The following GRIN2A variants were observed in gnomAD, a reference collection of about 807,000 sequenced individuals.
The protein encoded by GRIN2A is glutamate receptor ionotropic, NMDA 2A.
GRIN2A carries 22 observed loss-of-function variants against 113.4 expected under a neutral mutation model. The ratio of observed to expected loss-of-function variants is 0.19; its 90% CI spans 0.14 to 0.28. The LOEUF (loss-of-function observed/expected upper bound fraction) is 0.28, where lower values mean the gene tolerates loss of function less well. GRIN2A is among the 10% of genes least tolerant of loss of function. The probability of loss-of-function intolerance (pLI) is 1.00; values close to 1 mark genes in which losing one functional copy is unlikely to be tolerated. For synonymous variants in GRIN2A, 827 were observed against 738.4 expected (o/e 1.12, Z -1.94); for missense variants, 1,502 against 1,887.0 (o/e 0.80, Z 3.78).
intron 2 of GRIN2A, among the ~76,000 whole-genome samples, chr16:10,008,476 T>C (rs1379007707): frequency 1.3e-5 from 2 of 151,352 alleles, no homozygotes; most frequent in Admixed American, 6.6e-5. Context: ...GTGGGTGGAG[T>C]TGTTTCCAAC....
rs1488512845 is a variant in GRIN2A, at chr16:9,764,830, G to T, written c.2714C>A (p.Ser905Tyr). ...LKLLRSAKNI[S>Y]SMSNMNSSRM... ...TGAGGAGTTCATGTTGGACATGCTG[G>T]AAATGTTTTTGGCTGACCGGAGGAG... The change falls in exon 13 of 13, where the codon TCC becomes TAC. Residue 905 changes from serine (S) to tyrosine (Y), a missense_variant. Coordinates refer to ENST00000330684, the MANE Select transcript of GRIN2A (RefSeq NM_001134407.3). 3.7e-6 allele frequency: 6 copies of T among 1,614,186 alleles called. No homozygotes were observed. The highest frequency in any genetic ancestry group is 5.1e-6 in the Non-Finnish European group (6 of 1,180,032).
chr16:9,798,264 C>G lies in GRIN2A; in HGVS notation c.2356+13G>C, dbSNP rs1006336368. On this transcript the variant is annotated intron_variant, in intron 11 of 12. Coordinates refer to ENST00000330684, the MANE Select transcript of GRIN2A (RefSeq NM_001134407.3). ...CAAGTCCCCCTAAAGAAAGGGGTCA[C>G]CCGGGGTCTTACCATCACCCACAAA... 8 of 1,610,438 alleles carry G rather than the reference C, an allele frequency of 5.0e-6. No homozygotes were observed. The highest frequency in any genetic ancestry group is 6.8e-6 in the Non-Finnish European group (8 of 1,177,008).
At chr16:9,981,265 A>T (rs569660904) in intron 2 of GRIN2A, among the ~76,000 whole-genome samples, 7 of 152,204 alleles carry the variant, frequency 4.6e-5, no homozygotes, top group Non-Finnish European at 1.0e-4. Flanking sequence ...CAGCGCCTCC[A>T]ATCATGTCTC....
chr16:10,107,970 T>G (rs1280920561), intron 2 of GRIN2A, among the ~76,000 whole-genome samples: 3 of 152,206 alleles, frequency 2.0e-5, no homozygotes, highest in Non-Finnish European at 4.4e-5. Flanking sequence ...TTTGAGGGAA[T>G]GCCTCATATG....
chr16:9,898,797 T>C (rs1281619521), intron 3 of GRIN2A, among the ~76,000 whole-genome samples: 1 of 151,086 alleles, frequency 6.6e-6, no homozygotes, highest in Non-Finnish European at 1.5e-5. Flanking sequence ...AGTGTTTTTT[T>C]TTTGTTTTTT....
intron 2 of GRIN2A, among the ~76,000 whole-genome samples, chr16:10,103,587 C>A (rs769457350): frequency 3.9e-5 from 6 of 152,130 alleles, no homozygotes; most frequent in Non-Finnish European, 8.8e-5. Flanking sequence ...TGAAGCAATA[C>A]CTATCTATAG....
intron 4 of GRIN2A, among the ~76,000 whole-genome samples, chr16:9,856,406 G>A (rs1215644895): frequency 6.6e-6 from 1 of 151,910 alleles, no homozygotes; most frequent in Admixed American, 6.6e-5. Context: ...AGATCACGAG[G>A]TCAGGAGATC....
At chr16:10,131,598 G>C (rs1895389495) in intron 2 of GRIN2A, among the ~76,000 whole-genome samples, 1 of 152,102 alleles carries the variant, frequency 6.6e-6, no homozygotes, top group Admixed American at 6.5e-5. Context: ...GAGTAGGAAA[G>C]TACCTTCTGT....
At chr16:10,026,662 A>G (rs533494302) in intron 2 of GRIN2A, among the ~76,000 whole-genome samples, 1 of 148,454 alleles carries the variant, frequency 6.7e-6, no homozygotes, top group African/African-American at 2.6e-5. Flanking sequence ...GAGAACAAGG[A>G]AAGAAGACCA....
chr16:9,897,473 G>A (rs1299221175), intron 3 of GRIN2A, among the ~76,000 whole-genome samples: 4 of 152,024 alleles, frequency 2.6e-5, no homozygotes, highest in Admixed American at 6.6e-5. Flanking sequence ...CTGCTATCAC[G>A]TTAGATAGCC....
intron 3 of GRIN2A, among the ~76,000 whole-genome samples, chr16:9,922,146 C>T (rs897195758): frequency 6.6e-6 from 1 of 152,044 alleles, no homozygotes; most frequent in East Asian, 1.9e-4. Flanking sequence ...CACTTACATC[C>T]TAGGGAGTGT....
chr16:10,051,067 T>C (rs1307338386), intron 2 of GRIN2A, among the ~76,000 whole-genome samples: 3 of 152,138 alleles, frequency 2.0e-5, no homozygotes, highest in Non-Finnish European at 2.9e-5. Context: ...GGTGGTAGGA[T>C]GATGTAGATG....
chr16:9,947,624 C>A (rs1456360333), intron 2 of GRIN2A, among the ~76,000 whole-genome samples: 1 of 152,184 alleles, frequency 6.6e-6, no homozygotes, highest in Non-Finnish European at 1.5e-5. Flanking sequence ...TGCTCAAGTT[C>A]CAGAAGAAAT....
At position 10,180,252 on chromosome 16, in the gene GRIN2A, G is replaced by A. The variant is rs370793598; in HGVS notation, c.160C>T (p.Leu54=). 11 of 1,613,980 alleles carry A rather than the reference G, an allele frequency of 6.8e-6. No individual in the cohort carries two copies. Among genetic ancestry groups the A allele is most frequent in the Non-Finnish European group, 9.3e-6 (11 of 1,180,030 alleles). ...CCCGCCGCCTGCTCGGGGCCCCACA[G>A]TGTTCGAAGTTCGCGCTCTGTCACG... ...HDVTERELRT[L]WGPEQAAGLP... Residue 54 remains leucine, a synonymous_variant, in exon 2 of 13, where the codon CTG becomes TTG. Transcript: ENST00000330684. This position sits in a 1 kb window ranked among gnomAD's most constrained non-coding sequence, Gnocchi z 7.0.
chr16:10,145,432 G>A (rs1347012861), intron 2 of GRIN2A, among the ~76,000 whole-genome samples: 1 of 152,042 alleles, frequency 6.6e-6, no homozygotes, highest in Non-Finnish European at 1.5e-5. Context: ...ACAGGCACAT[G>A]CATACATCCA....
intron 4 of GRIN2A, among the ~76,000 whole-genome samples, chr16:9,859,643 C>CACAGAG: frequency 6.8e-6 from 1 of 147,010 alleles, no homozygotes; most frequent in African/African-American, 2.5e-5. Flanking sequence ...CACACACACA[C>CACAGAG]AGAGAGGATA....
At chr16:9,854,107 G>A (rs961053991) in intron 4 of GRIN2A, among the ~76,000 whole-genome samples, 1 of 152,124 alleles carries the variant, frequency 6.6e-6, no homozygotes, top group East Asian at 1.9e-4. Flanking sequence ...GGGACTTAAT[G>A]GGTAGTTTTT....
chr16:9,856,295 T>G (rs886160490), intron 4 of GRIN2A, among the ~76,000 whole-genome samples: 2 of 152,058 alleles, frequency 1.3e-5, no homozygotes, highest in African/African-American at 4.8e-5. Context: ...GAAATTTAGT[T>G]TCTTCATATT....
intron 2 of GRIN2A, among the ~76,000 whole-genome samples, chr16:10,118,967 A>C (rs1219134496): frequency 6.6e-6 from 1 of 152,164 alleles, no homozygotes; most frequent in Non-Finnish European, 1.5e-5. Context: ...TGCTGATTGG[A>C]AAGAAAAGAC....
Sources: gnomAD v4.1 joint callset for allele counts (sites outside exome capture counted in the v4.1 genomes callset) on GRCh38, gnomAD v4.1.1 for gene constraint, Gnocchi (gnomAD v3.1) non-coding constraint, MANE v1.5 for transcripts, NCBI Gene and HGNC (gene_info 2026-07-23, HGNC 2026-07-21) for gene names.